The following PCDH7 variants were observed in gnomAD, a reference collection of about 807,000 sequenced individuals.
PCDH7 encodes the protein protocadherin 7, also known as protocadherin-7.
PCDH7 carries 17 observed loss-of-function variants against 58.9 expected under a neutral mutation model. That is an observed-to-expected ratio of 0.29 (90% CI 0.20 to 0.43). PCDH7 has a LOEUF of 0.43. PCDH7 is among the 20% of genes least tolerant of loss of function. The pLI, the probability that PCDH7 is intolerant of heterozygous loss-of-function variation, is 1.00. For synonymous variants in PCDH7, 664 were observed against 616.4 expected, an observed-to-expected ratio of 1.08 and a Z score of -1.14; for missense variants, 1,274 against 1,441.0, an observed-to-expected ratio of 0.88 and a Z score of 1.88.
In PCDH7 at chr4:30,722,002, G is replaced by C. The variant is rs1319406129; in HGVS notation, c.580G>C (p.Glu194Gln). Reference sequence around the variant, plus strand: ...GCCCGGAGGCGGCGGCAGCGGCGGCGAGAGCCGGCGCGCCGGGGCGGCCGA... The same window carrying C: ...GCCCGGAGGCGGCGGCAGCGGCGGCCAGAGCCGGCGCGCCGGGGCGGCCGA... Residue 194 changes from glutamate (E) to glutamine (Q), a missense_variant, in exon 1 of 2, where the codon GAG becomes CAG. Glu to Gln is a conservative substitution (Grantham distance 29). Around this residue, in one of 3 missense-constraint regions of PCDH7, gnomAD observed 331 missense variants for 303.2 expected, o/e 1.09. Coordinates refer to ENST00000361762, the Ensembl canonical transcript of PCDH7. The surrounding 1 kb of genome is among the most constrained non-coding windows in gnomAD (Gnocchi z 7.6). 7.8e-7 allele frequency: 1 copy of C among 1,276,196 alleles called. No individual in the cohort carries two copies. Among genetic ancestry groups the C allele is most frequent in the South Asian group, 2.7e-5 (1 of 37,114 alleles). The allele number at this position is 1,276,196 out of a possible 1,614,324, so 79.1% of individuals were successfully genotyped here. A position where few individuals can be genotyped will look rare whatever the true frequency, so the allele number is the denominator to read the frequency against.
intron 3 of PCDH7, among the ~76,000 whole-genome samples, chr4:31,074,090 G>A (rs1441834580): frequency 6.6e-6 from 1 of 151,252 alleles, no homozygotes; most frequent in East Asian, 1.9e-4. Context: ...TCAGATCCTC[G>A]CCCAGTGTCA....
chr4:30,971,743 T>C (rs1218543315), intron 3 of PCDH7, among the ~76,000 whole-genome samples: 2 of 152,080 alleles, frequency 1.3e-5, no homozygotes, highest in Admixed American at 1.3e-4. Context: ...TAAAAAATCA[T>C]TCTAGTCCAG....
At chr4:30,804,243 A>G (rs1418917801) in intron 1 of PCDH7, among the ~76,000 whole-genome samples, 3 of 152,136 alleles carry the variant, frequency 2.0e-5, no homozygotes, top group Admixed American at 6.5e-5. Flanking sequence ...CTAAATGCAT[A>G]TTAAGATTTC....
In PCDH7 at chr4:31,060,492, A is replaced by G. The variant is rs1757602647; in HGVS notation, c.*8-81981A>G. 5.3e-5 allele frequency among the ~76,000 whole-genome samples: 8 copies of G among 151,878 alleles called. 1 individual carries two copies. The South Asian group carries it at 1.5e-3, about 28-fold the overall frequency. ...TTTAATTAAAGTCCCTTGAGGGGAC[A>G]GTTTTCATGATTTGTTATTGGACAT... On this transcript the variant is annotated intron_variant, in intron 3 of 3. Coordinates refer to the PCDH7 transcript ENST00000509759.
chr4:30,946,501 A>G (rs1195931746), intron 2 of PCDH7, among the ~76,000 whole-genome samples: 1 of 147,068 alleles, frequency 6.8e-6, no homozygotes, highest in African/African-American at 2.5e-5. Flanking sequence ...CTGCCTTAGG[A>G]TGTTTTAACT....
At chr4:30,761,546 A>G (rs978402121) in intron 1 of PCDH7, among the ~76,000 whole-genome samples, 4 of 152,106 alleles carry the variant, frequency 2.6e-5, no homozygotes, top group African/African-American at 9.7e-5. Flanking sequence ...TTAATCTTCA[A>G]AATCTGATAT....
intron 3 of PCDH7, among the ~76,000 whole-genome samples, chr4:31,051,348 C>T (rs1210261502): frequency 1.3e-5 from 2 of 152,068 alleles, no homozygotes; most frequent in Non-Finnish European, 2.9e-5. Flanking sequence ...AGTGTGGCAC[C>T]TGAAGGTTAA....
At chr4:30,942,076 A>C (rs927720703) in intron 2 of PCDH7, among the ~76,000 whole-genome samples, 1 of 151,820 alleles carries the variant, frequency 6.6e-6, no homozygotes. Flanking sequence ...GAGTTTGGAG[A>C]CCATGTTTTC....
At chr4:30,860,985 T>C (rs1734125188) in intron 1 of PCDH7, among the ~76,000 whole-genome samples, 1 of 152,222 alleles carries the variant, frequency 6.6e-6, no homozygotes, top group South Asian at 2.1e-4. Context: ...TTTGGATCTA[T>C]ATATTTTATA....
intron 1 of PCDH7, among the ~76,000 whole-genome samples, chr4:30,855,334 C>G (rs1424089387): frequency 6.6e-6 from 1 of 152,144 alleles, no homozygotes; most frequent in Non-Finnish European, 1.5e-5. Context: ...TTTGTTCATC[C>G]TGGTCCTTTT....
chr4:30,828,803 T>C (rs1207275735), intron 1 of PCDH7, among the ~76,000 whole-genome samples: 1 of 152,068 alleles, frequency 6.6e-6, no homozygotes, highest in African/African-American at 2.4e-5. Context: ...TAAGACTCTC[T>C]ACACAGTTTG....
At chr4:31,135,115 G>C (rs536525743) in intron 3 of PCDH7, among the ~76,000 whole-genome samples, 2 of 152,162 alleles carry the variant, frequency 1.3e-5, no homozygotes, top group Admixed American at 1.3e-4. Context: ...GTGCATTTTA[G>C]GTATTTACCC....
chr4:31,133,554 T>G (rs1428661793), intron 3 of PCDH7, among the ~76,000 whole-genome samples: 1 of 152,208 alleles, frequency 6.6e-6, no homozygotes, highest in African/African-American at 2.4e-5. Flanking sequence ...TATCAGTGAA[T>G]CATCTCATTT....
chr4:30,964,380 T>A, intron 3 of PCDH7, among the ~76,000 whole-genome samples: 1 of 151,932 alleles, frequency 6.6e-6, no homozygotes, highest in Non-Finnish European at 1.5e-5. Flanking sequence ...TAGCTGGGAC[T>A]ACAGGCGTCC....
intron 2 of PCDH7, among the ~76,000 whole-genome samples, chr4:30,948,577 T>C (rs1415765357): frequency 2.0e-5 from 3 of 152,144 alleles, no homozygotes; most frequent in Non-Finnish European, 4.4e-5. Flanking sequence ...TTAAGTTAAA[T>C]ACAAAATTAT....
chr4:30,959,844 A>G (rs1748213892), intron 3 of PCDH7, among the ~76,000 whole-genome samples: 1 of 152,122 alleles, frequency 6.6e-6, no homozygotes, highest in Non-Finnish European at 1.5e-5. Context: ...TTGAATTAAT[A>G]ATTGAGAGCT....
At chr4:31,069,007 A>G (rs1298204139) in intron 3 of PCDH7, among the ~76,000 whole-genome samples, 1 of 151,922 alleles carries the variant, frequency 6.6e-6, no homozygotes, top group African/African-American at 2.4e-5. Context: ...AACAGAAAAG[A>G]TGACTTTGTT....
At chr4:30,832,743 A>G (rs1023950404) in intron 1 of PCDH7, among the ~76,000 whole-genome samples, 1 of 152,194 alleles carries the variant, frequency 6.6e-6, no homozygotes, top group Non-Finnish European at 1.5e-5. Flanking sequence ...TACACTGTCT[A>G]GATACCAGAT....
chr4:30,999,574 T>G (rs1205817544), intron 3 of PCDH7, among the ~76,000 whole-genome samples: 1 of 152,102 alleles, frequency 6.6e-6, no homozygotes, highest in African/African-American at 2.4e-5. Context: ...CGGCAATATA[T>G]CTAAAAATAG....
Sources: allele counts gnomAD v4.1 joint callset (sites outside exome capture counted in the v4.1 genomes callset), GRCh38; gene constraint gnomAD v4.1.1; regional missense constraint gnomAD v4.1.1; non-coding constraint Gnocchi (gnomAD v3.1); transcripts MANE v1.5; gene names NCBI Gene and HGNC (gene_info 2026-07-23, HGNC 2026-07-21).